Variants in MAGI2 observed in about 807,000 individuals in gnomAD.
MAGI2 encodes the protein membrane-associated guanylate kinase, WW and PDZ domain-containing protein 2.
MAGI2 carries 35 observed loss-of-function variants against 133.3 expected under a neutral mutation model. The ratio of observed to expected loss-of-function variants is 0.26; its 90% CI spans 0.20 to 0.35. MAGI2 has a LOEUF of 0.35. Among genes scored for constraint, MAGI2 ranks in the 10% least tolerant of loss-of-function variants. The pLI is 1.00. For synonymous variants in MAGI2, 729 were observed against 710.6 expected, an observed-to-expected ratio of 1.03 and a Z score of -0.41; for missense variants, 1,636 against 1,863.4, an observed-to-expected ratio of 0.88 and a Z score of 2.25.
chr7:78,214,962 CAG>C (rs1266763519), intron 10 of MAGI2, among the ~76,000 whole-genome samples: 2 of 152,166 alleles, frequency 1.3e-5, no homozygotes, highest in Admixed American at 6.6e-5. Flanking sequence ...TGCTGTGGAG[CAG>C]AGAGTCACAG....
chr7:78,891,834 T>C (rs1796783402), intron 2 of MAGI2, among the ~76,000 whole-genome samples: 1 of 152,168 alleles, frequency 6.6e-6, no homozygotes, highest in African/African-American at 2.4e-5. Context: ...AGGGATGCCC[T>C]CTCTCACCAC....
At chr7:78,826,093 C>A (rs1790602993) in intron 2 of MAGI2, among the ~76,000 whole-genome samples, 1 of 151,982 alleles carries the variant, frequency 6.6e-6, no homozygotes, top group African/African-American at 2.4e-5. Context: ...TGGCTCACAC[C>A]TGTAATCCCA....
chr7:79,111,558 G>A (rs1415768897), intron 1 of MAGI2, among the ~76,000 whole-genome samples: 1 of 152,144 alleles, frequency 6.6e-6, no homozygotes, highest in East Asian at 1.9e-4. Context: ...TATGTTATTT[G>A]TAATACTCGG....
chr7:78,522,424 G>C (rs957841446), intron 3 of MAGI2, among the ~76,000 whole-genome samples: 2 of 152,144 alleles, frequency 1.3e-5, no homozygotes, highest in Non-Finnish European at 2.9e-5. Flanking sequence ...TGTTGCCCAG[G>C]CTGGAGGGCA....
At chr7:79,184,886 ACCT>A (rs1826941368) in intron 1 of MAGI2, among the ~76,000 whole-genome samples, 1 of 150,424 alleles carries the variant, frequency 6.6e-6, no homozygotes, top group Non-Finnish European at 1.5e-5. Context: ...GCAATTCATA[ACCT>A]CCTTTCCTCA....
intron 6 of MAGI2, among the ~76,000 whole-genome samples, chr7:78,417,919 A>C (rs866134279): frequency 1.3e-5 from 2 of 152,162 alleles, no homozygotes; most frequent in Non-Finnish European, 2.9e-5. Flanking sequence ...TCTTTCAGGT[A>C]ACAGTTGTGA....
chr7:78,647,652 C>T (rs972778571), intron 2 of MAGI2, among the ~76,000 whole-genome samples: 13 of 152,260 alleles, frequency 8.5e-5, no homozygotes, highest in African/African-American at 3.1e-4. Context: ...TGGGTATATA[C>T]CCAAAGGATT....
intron 3 of MAGI2, among the ~76,000 whole-genome samples, chr7:78,540,856 C>T (rs1798357190): frequency 6.6e-6 from 1 of 152,190 alleles, no homozygotes; most frequent in African/African-American, 2.4e-5. Context: ...CACCCTTCTC[C>T]TGTGATCTGG....
chr7:78,647,631 A>C (rs1263189962), intron 2 of MAGI2, among the ~76,000 whole-genome samples: 1 of 152,194 alleles, frequency 6.6e-6, no homozygotes, highest in Non-Finnish European at 1.5e-5. Flanking sequence ...TTGACCCAGC[A>C]ATCCCATTAC....
intron 6 of MAGI2, among the ~76,000 whole-genome samples, chr7:78,454,379 G>T (rs1789077769): frequency 6.6e-6 from 1 of 152,028 alleles, no homozygotes; most frequent in African/African-American, 2.4e-5. Flanking sequence ...CCTGATTTCA[G>T]TACCACTACA....
intron 20 of MAGI2, among the ~76,000 whole-genome samples, chr7:78,116,398 A>T (rs2150483014): frequency 6.6e-6 from 1 of 151,946 alleles, no homozygotes; most frequent in East Asian, 1.9e-4. Context: ...ACCCAGAAAG[A>T]ATGGATGGAA....
At position 78,874,102 on chromosome 7, in the gene MAGI2, A is replaced by G. The variant is rs539647653; in HGVS notation, c.418+132988T>C. The stretch of plus-strand genomic sequence containing the variant: ...AAATATAATGAAAAACACCTGATTC[A>G]TAGCAGCAATAACCATTATCAAATA... On this transcript the variant is annotated intron_variant, in intron 2 of 21. Transcript: ENST00000354212. Among the ~76,000 whole-genome samples the G allele has an allele frequency of 2.1e-3, 318 of 152,332 alleles. 2 individuals are homozygous for G. Among genetic ancestry groups the G allele is most frequent in the African/African-American group, 7.3e-3 (305 of 41,580 alleles).
intron 9 of MAGI2, among the ~76,000 whole-genome samples, chr7:78,289,004 CAG>C (rs770928480): frequency 3.3e-5 from 5 of 152,174 alleles, no homozygotes; most frequent in Non-Finnish European, 5.9e-5. Flanking sequence ...GGGGAGAAAA[CAG>C]AGCAGAAAAG....
intron 20 of MAGI2, among the ~76,000 whole-genome samples, chr7:78,107,067 T>C (rs940361997): frequency 3.3e-5 from 5 of 152,232 alleles, no homozygotes; most frequent in Non-Finnish European, 7.4e-5. Flanking sequence ...TTCATTCTTC[T>C]GCATATGGAT....
intron 9 of MAGI2, among the ~76,000 whole-genome samples, chr7:78,336,412 A>G (rs1789769380): frequency 6.6e-6 from 1 of 152,170 alleles, no homozygotes. Flanking sequence ...CAAGTGGAGA[A>G]GTGCCAGGGG....
chr7:78,417,570 A>G (rs536207516), intron 6 of MAGI2, among the ~76,000 whole-genome samples: 1 of 152,284 alleles, frequency 6.6e-6, no homozygotes, highest in East Asian at 1.9e-4. Flanking sequence ...ACCATGAGTT[A>G]TTTGAGAGCA....
At position 78,018,085 on chromosome 7, in the gene MAGI2, AATC is replaced by A. The variant is rs1807935253; in HGVS notation, c.*1227_*1229del. 6.6e-6 allele frequency: 1 copy of A among 152,254 alleles called. No individual in the cohort carries two copies. Among genetic ancestry groups the A allele is most frequent in the African/African-American group, 2.4e-5 (1 of 41,472 alleles). The allele number at this position is 152,254 out of a possible 1,614,324, so 9.4% of individuals were successfully genotyped here. A position where few individuals can be genotyped will look rare whatever the true frequency, so the allele number is the denominator to read the frequency against. ...AGACTTAGAATTTTACTAGGAGGTC[AATC>A]ATAGATCCATGAAGATAAACATCTA... On this transcript the variant is annotated 3_prime_UTR_variant, in exon 22 of 22. Coordinates refer to ENST00000354212, the MANE Select transcript of MAGI2 (RefSeq NM_012301.4).
chr7:78,862,756 A>C, intron 2 of MAGI2, among the ~76,000 whole-genome samples: 1 of 152,152 alleles, frequency 6.6e-6, no homozygotes, highest in Non-Finnish European at 1.5e-5. Flanking sequence ...GTTATGGTCC[A>C]TTACCATCTG....
intron 4 of MAGI2, among the ~76,000 whole-genome samples, chr7:78,511,013 T>A (rs572730028): frequency 6.6e-6 from 1 of 152,140 alleles, no homozygotes; most frequent in African/African-American, 2.4e-5. Flanking sequence ...TAAAGATTTC[T>A]CCATGCTTTT....
Sources: gnomAD v4.1 joint callset for allele counts (sites outside exome capture counted in the v4.1 genomes callset) on GRCh38, gnomAD v4.1.1 for gene constraint, MANE v1.5 for transcripts, NCBI Gene and HGNC (gene_info 2026-07-23, HGNC 2026-07-21) for gene names.